COL4A3: variants seen among roughly 807,000 people sequenced by gnomAD.
COL4A3 encodes the protein collagen type IV alpha 3 chain.
COL4A3 carries 135 observed loss-of-function variants against 217.4 expected under a neutral mutation model. The observed-to-expected ratio is 0.62, with a 90% CI of 0.54 to 0.72. The LOEUF (loss-of-function observed/expected upper bound fraction) is 0.72. COL4A3 is among the 30% of genes least tolerant of loss of function. The pLI is 0.00. For synonymous variants in COL4A3, 690 were observed against 736.3 expected (o/e 0.94, Z 1.02); for missense variants, 1,868 against 2,119.9 (o/e 0.88, Z 2.33).
At position 227,246,715 on chromosome 2, in the gene COL4A3, A is replaced by G; in HGVS notation, c.418A>G (p.Thr140Ala). The part of the protein sequence containing the change: ...GEQGFPGLPG[T>A]LGYPGIPGAA... ...GCAGGGGTTTCCAGGACTCCCAGGG[A>G]CACTGGGCTACCCAGGGATCCCGGT... Residue 140 changes from threonine (T) to alanine (A), a missense_variant, in exon 7 of 52, where the codon ACA becomes GCA. Physicochemically the swap from Thr to Ala is moderately conservative, Grantham distance 58. Around this residue, in one of 2 missense-constraint regions of COL4A3, gnomAD observed 365 missense variants for 333.8 expected, o/e 1.09. Transcript: ENST00000396578. 1 of 1,612,824 alleles carries G rather than the reference A, an allele frequency of 6.2e-7. No homozygotes were observed. Among genetic ancestry groups the G allele is most frequent in the South Asian group, 1.1e-5 (1 of 91,038 alleles).
At chr2:227,310,010 A>T (rs2073680952) in intron 50 of COL4A3, among the ~76,000 whole-genome samples, 1 of 152,298 alleles carries the variant, frequency 6.6e-6, no homozygotes, top group East Asian at 1.9e-4. Context: ...AATTTCTATC[A>T]TTTACAGTTT....
chr2:227,196,710 T>C (rs548173688), intron 1 of COL4A3, among the ~76,000 whole-genome samples: 1 of 152,364 alleles, frequency 6.6e-6, no homozygotes, highest in Non-Finnish European at 1.5e-5. Context: ...TATACAGGTT[T>C]ATAGCCTAGG....
At chr2:227,170,012 C>T (rs548667102) in intron 1 of COL4A3, among the ~76,000 whole-genome samples, 1 of 152,228 alleles carries the variant, frequency 6.6e-6, no homozygotes. Context: ...TTCCTCTTTG[C>T]TCTTCTGGTT....
chr2:227,297,794 T>G lies in COL4A3; in HGVS notation c.3686T>G (p.Leu1229Arg). Residue 1229 changes from leucine to arginine, a missense_variant, in exon 42 of 52, where the codon CTG (leucine) becomes CGG (arginine). Transcript: ENST00000396578. ...GIEGFPGPPG[L>R]PGAIIPGQTG... The stretch of plus-strand genomic sequence containing the variant: ...GAAGGATTCCCAGGGCCACCAGGTC[T>G]GCCCGGTGCAATTATCCCTGGCCAG... 1 of 1,576,690 alleles carries G rather than the reference T, an allele frequency of 6.3e-7. No homozygotes were observed. The highest frequency in any genetic ancestry group is 8.6e-7 in the Non-Finnish European group (1 of 1,160,616).
At chr2:227,223,966 T>G (rs2067953119) in intron 1 of COL4A3, among the ~76,000 whole-genome samples, 3 of 152,154 alleles carry the variant, frequency 2.0e-5, no homozygotes, top group African/African-American at 4.8e-5. Context: ...CATAGTGAGC[T>G]CCTCCAAGAC....
At chr2:227,305,166 G>C (rs888527453) in intron 47 of COL4A3, 83 bp downstream of exon 47, 1 of 1,142,572 alleles carries the variant, frequency 8.8e-7, no homozygotes. Context: ...GACTATATGA[G>C]TTATCTAGGC....
intron 1 of COL4A3, among the ~76,000 whole-genome samples, chr2:227,200,403 C>A (rs925803315): frequency 2.6e-5 from 4 of 152,174 alleles, no homozygotes; most frequent in Non-Finnish European, 4.4e-5. Flanking sequence ...CTTGATTGTT[C>A]AATTATTGGC....
intron 46 of COL4A3, chr2:227,304,364 A>AT (rs1236037481): frequency 1.5e-5 from 9 of 580,854 alleles, no homozygotes; most frequent in African/African-American, 5.6e-5. Flanking sequence ...ACTTGAACAA[A>AT]TACACTTTAG....
chr2:227,190,705 G>A (rs1277979275), intron 1 of COL4A3, among the ~76,000 whole-genome samples: 2 of 152,158 alleles, frequency 1.3e-5, no homozygotes, highest in African/African-American at 4.8e-5. Context: ...TCAGGAGTTT[G>A]AGAGCAGCCT....
chr2:227,245,004 T>G lies in COL4A3; in HGVS notation c.324+9T>G, dbSNP rs904160606. The G allele has an allele frequency of 3.7e-6, 6 of 1,611,824 alleles. No homozygotes were observed. Among genetic ancestry groups the G allele is most frequent in the Non-Finnish European group, 3.4e-6 (4 of 1,178,366 alleles). ...GTTCTCCTGGACTTCCAGTAAGTAA[T>G]GGGAAAAATCCGTAGCTAGAAAATT... On this transcript the variant is annotated intron_variant, in intron 5 of 51. Coordinates refer to ENST00000396578, the MANE Select transcript of COL4A3 (RefSeq NM_000091.5).
chr2:227,260,498 G>A (rs936195062), intron 19 of COL4A3, among the ~76,000 whole-genome samples: 7 of 152,220 alleles, frequency 4.6e-5, no homozygotes, highest in African/African-American at 1.7e-4. Context: ...CTAGTCCAAT[G>A]TGCAGCCAGG....
At position 227,282,396 on chromosome 2, in the gene COL4A3, C is replaced by T. The variant is rs776097099; in HGVS notation, c.2520C>T (p.Asp840=). The T allele has an allele frequency of 6.2e-7, 1 of 1,612,568 alleles. No homozygotes were observed. The highest frequency in any genetic ancestry group is 8.5e-7 in the Non-Finnish European group (1 of 1,179,718). The change falls in exon 32 of 52, where the codon GAC becomes GAT. Residue 840 remains aspartate, a synonymous_variant. Coordinates refer to ENST00000396578, the MANE Select transcript of COL4A3 (RefSeq NM_000091.5). This position sits in a 1 kb window ranked among gnomAD's most constrained non-coding sequence, Gnocchi z 4.4. ...GAGGTAAAACGGGGCCAAAGGGAGA[C>T]CCAGGAATTCCAGGCTTGGATAGAT... ...GRRGKTGPKG[D]PGIPGLDRSG...
At position 227,246,735 on chromosome 2, in the gene COL4A3, C is replaced by G; in HGVS notation, c.438C>G (p.Ile146Met). The change falls in exon 7 of 52, where the codon ATC (isoleucine) becomes ATG (methionine). Residue 146 changes from isoleucine (I) to methionine (M), a missense_variant. Around this residue, in one of 2 missense-constraint regions of COL4A3, gnomAD observed 365 missense variants for 333.8 expected, o/e 1.09. Transcript: ENST00000396578. Reference protein sequence around the residue: ...GLPGTLGYPGIPGAAGLKGQK... With the variant: ...GLPGTLGYPGMPGAAGLKGQK... ...CAGGGACACTGGGCTACCCAGGGAT[C>G]CCGGTAGGTTTGCATGCCTAATTCC... 5.0e-6 allele frequency: 8 copies of G among 1,611,852 alleles called. No homozygotes were observed. The highest frequency in any genetic ancestry group is 6.8e-6 in the Non-Finnish European group (8 of 1,178,082).
chr2:227,164,821 G>C lies in COL4A3; in HGVS notation c.87+8G>C, dbSNP rs1223507970. 5 of 1,508,244 alleles carry C rather than the reference G, an allele frequency of 3.3e-6. No homozygotes were observed. In the South Asian group the frequency reaches 6.2e-5, roughly 19 times the overall value. The allele number at this position is 1,508,244 out of a possible 1,614,324, so 93.4% of individuals were successfully genotyped here. A position where few individuals can be genotyped will look rare whatever the true frequency, so the allele number is the denominator to read the frequency against. ...GCGCCCGCAGCCAGCAAGGTGAGTG[G>C]GGGCTGCGCGACCCCCACCCCCGCA... is the stretch of plus-strand genomic sequence containing the variant. On this transcript the variant is annotated splice_region_variant and intron_variant, in intron 1 of 51. Transcript: ENST00000396578. The surrounding 1 kb of genome is among the most constrained non-coding windows in gnomAD (Gnocchi z 4.8).
chr2:227,202,744 A>ATAT (rs1312980608), intron 1 of COL4A3, among the ~76,000 whole-genome samples: 9 of 66,832 alleles, frequency 1.3e-4, no homozygotes, highest in African/African-American at 4.7e-4. Flanking sequence ...CTAAAAAAAA[A>ATAT]AAATATATAT....
rs1393665104 is a variant in COL4A3 at position 227,251,326 on chromosome 2, A to AT, written c.610-5dup. ...TTCCTGCTGTGATTTTCATTTGTGG[A>AT]TTTTTCTAGGGCTTTCCAGGAGCCA... On this transcript the variant is annotated splice_polypyrimidine_tract_variant and intron_variant, in intron 10 of 51. Coordinates refer to ENST00000396578, the MANE Select transcript of COL4A3 (RefSeq NM_000091.5). The AT allele has an allele frequency of 3.1e-6, 5 of 1,613,048 alleles. No homozygotes were observed. The East Asian group carries it at 1.1e-4, about 36-fold the overall frequency.
intron 1 of COL4A3, among the ~76,000 whole-genome samples, chr2:227,213,876 C>T (rs376111251): frequency 1.5e-5 from 2 of 130,308 alleles, no homozygotes; most frequent in Non-Finnish European, 1.6e-5. Context: ...CACACAAGCC[C>T]GGGCGACAGA....
rs1260915445 is a variant in COL4A3, at chr2:227,250,607, A to G, written c.547-533A>G. Among the ~76,000 whole-genome samples the G allele has an allele frequency of 6.6e-6, 1 of 152,190 alleles. No homozygotes were observed. Among genetic ancestry groups the G allele is most frequent in the Non-Finnish European group, 1.5e-5 (1 of 68,034 alleles). ...ATGAGTAACTCTATGGTGTGTGAGT[A>G]ATAAATGCTAAAAGTAAAAATAATG... is the stretch of plus-strand genomic sequence containing the variant. On this transcript the variant is annotated intron_variant, in intron 9 of 51. Coordinates refer to ENST00000396578, the MANE Select transcript of COL4A3 (RefSeq NM_000091.5). This position sits in a 1 kb window ranked among gnomAD's most constrained non-coding sequence, Gnocchi z 4.1.
In COL4A3 at chr2:227,252,208, CTTTCT is replaced by C. The variant is rs1325504675; in HGVS notation, c.645+841_645+845del. ...CAGGTAGCCTTTTATTTTATTCTTT[CTTTCT>C]TTTTTTTTTTTTTTTTTTGAGATGG... On this transcript the variant is annotated intron_variant, in intron 11 of 51. Transcript: ENST00000396578. Among the ~76,000 whole-genome samples the C allele has an allele frequency of 2.7e-3, 338 of 126,480 alleles. 1 individual carries two copies. The highest frequency in any genetic ancestry group is 4.5e-3 in the Non-Finnish European group (279 of 61,522). The allele number at this position is 126,480 out of a possible 152,430, so 83.0% of individuals were successfully genotyped here. A position where few individuals can be genotyped will look rare whatever the true frequency, so the allele number is the denominator to read the frequency against.
Sources: allele counts gnomAD v4.1 joint callset (sites outside exome capture counted in the v4.1 genomes callset), GRCh38; gene constraint gnomAD v4.1.1; regional missense constraint gnomAD v4.1.1; non-coding constraint Gnocchi (gnomAD v3.1); transcripts MANE v1.5; gene names NCBI Gene and HGNC (gene_info 2026-07-23, HGNC 2026-07-21).